The following PLCXD1 variants were observed in gnomAD, a reference collection of about 807,000 sequenced individuals.
PLCXD1 encodes the protein PI-PLC X domain-containing protein 1.
PLCXD1 carries 45 observed loss-of-function variants against 37.8 expected under a neutral mutation model. That is an observed-to-expected ratio of 1.19 (90% confidence interval 0.94 to 1.53). The LOEUF (loss-of-function observed/expected upper bound fraction) is 1.53. Ranked by LOEUF, PLCXD1 falls within the 40% of genes most tolerant of loss-of-function variation. PLCXD1 has a pLI of 0.00. For synonymous variants in PLCXD1, 246 were observed against 206.9 expected, an observed-to-expected ratio of 1.19 and a Z score of -1.62; for missense variants, 539 against 454.7, an observed-to-expected ratio of 1.19 and a Z score of -1.69.
intron 6 of PLCXD1, 53 bp downstream of exon 6, chrX:293,271 C>G: frequency 7.0e-7 from 1 of 1,426,336 alleles, no homozygotes; most frequent in Non-Finnish European, 9.7e-7. Context: ...CCGTGACGCC[C>G]TGCGGCAGGC....
At chrX:294,290 G>A (rs1163818040) in intron 6 of PLCXD1, among the ~76,000 whole-genome samples, 9 of 152,126 alleles carry the variant, frequency 5.9e-5, no homozygotes, top group South Asian at 4.1e-4. Context: ...AGACCATCCC[G>A]GCTAACATGG....
At chrX:289,866 C>T (rs183759498) in intron 3 of PLCXD1, among the ~76,000 whole-genome samples, 1 of 152,200 alleles carries the variant, frequency 6.6e-6, no homozygotes, top group South Asian at 2.1e-4. Flanking sequence ...TTTCTCGTGT[C>T]TTTAGGACCT....
At position 294,405 on chromosome X, in the gene PLCXD1, T is replaced by C. The variant is rs1445162660; in HGVS notation, c.733+1187T>C. On this transcript the variant is annotated intron_variant, in intron 6 of 6. Transcript: ENST00000381657. ...GCTGAGGTAGGAGAATGGTGTGAACTCGGGAGGCGGAGCTTGCAGTGAGCC... is the reference window on the plus strand; with the variant it reads ...GCTGAGGTAGGAGAATGGTGTGAACCCGGGAGGCGGAGCTTGCAGTGAGCC... 3.2e-4 allele frequency among the ~76,000 whole-genome samples: 47 copies of C among 146,700 alleles called. No homozygotes were observed. The East Asian group carries it at 5.9e-3, about 18-fold the overall frequency.
At chrX:291,677 C>T (rs2069641404) in intron 5 of PLCXD1, 23 bp downstream of exon 5, 1 of 1,610,648 alleles carries the variant, frequency 6.2e-7, no homozygotes, top group African/African-American at 1.3e-5. Flanking sequence ...AGGATATCCG[C>T]ACGTCTCTCC....
At position 289,241 on chromosome X, in the gene PLCXD1, C is replaced by G. The variant is rs748278997; in HGVS notation, c.264+372C>G. Among the ~76,000 whole-genome samples the G allele has an allele frequency of 2.0e-5, 3 of 152,186 alleles. No individual in the cohort carries two copies. In the East Asian group the frequency reaches 5.8e-4, roughly 30 times the overall value. On this transcript the variant is annotated intron_variant, in intron 3 of 6. Coordinates refer to ENST00000381657, the MANE Select transcript of PLCXD1 (RefSeq NM_018390.4). ...TACCTGGGTCTACAGGCACCTGTCA[C>G]CACACCTGGCTAATTTTTTGTATTT... is the stretch of plus-strand genomic sequence containing the variant.
At chrX:282,238 C>T (rs1483697684) in intron 1 of PLCXD1, among the ~76,000 whole-genome samples, 3 of 151,920 alleles carry the variant, frequency 2.0e-5, no homozygotes, top group African/African-American at 4.8e-5. Context: ...CATACATTGC[C>T]GGGCGTGGTG....
Position 298,729 on chromosome X carries a change from C to A in PLCXD1, c.734-368C>A, listed in dbSNP as rs867745988. Among the ~76,000 whole-genome samples, 136 of 45,696 alleles carry A rather than the reference C, an allele frequency of 3.0e-3. 8 individuals carry two copies. The highest frequency in any genetic ancestry group is 0.014 in the African/African-American group (84 of 6,200). 30.0% of individuals were successfully genotyped at this position (45,696 alleles called of 152,430 possible). Reference sequence around the variant, plus strand: ...GATCAGGACGTGGACATCTTTGGGGCCATTATCCTGTCTATCACATGGGGA... The same window carrying A: ...GATCAGGACGTGGACATCTTTGGGGACATTATCCTGTCTATCACATGGGGA... On this transcript the variant is annotated intron_variant, in intron 6 of 6. Coordinates refer to ENST00000381657, the MANE Select transcript of PLCXD1 (RefSeq NM_018390.4).
Position 288,768 on chromosome X carries a change from A to T in PLCXD1, c.163A>T (p.Lys55Ter). The change falls in exon 3 of 7, where the codon AAG becomes TAG. Residue 55 changes from lysine to a stop codon, truncating the protein, a stop_gained. Transcript: ENST00000381657. LOFTEE classifies it high-confidence loss of function. ...HDTMTYCLNKKSPISHEESRL... is the reference protein window; with the variant it reads ...HDTMTYCLNK ...CACGATGACGTACTGCCTGAACAAG[A>T]AGTCCCCCATTTCGCACGAGGAGTC... 1 of 1,613,848 alleles carries T rather than the reference A, an allele frequency of 6.2e-7. No homozygotes were observed. The highest frequency in any genetic ancestry group is 8.5e-7 in the Non-Finnish European group (1 of 1,179,752).
chrX:287,995 A>G (rs768261046), intron 2 of PLCXD1, among the ~76,000 whole-genome samples: 41 of 145,676 alleles, frequency 2.8e-4, no homozygotes, highest in Admixed American at 2.4e-3. Context: ...GCTCTAGGGG[A>G]GGGTCCTTCC....
intron 6 of PLCXD1, among the ~76,000 whole-genome samples, chrX:296,119 G>C (rs1443743212): frequency 6.7e-6 from 1 of 149,666 alleles, no homozygotes; most frequent in African/African-American, 2.5e-5. Context: ...GCCTTTTTTT[G>C]TTTGTTTTGT....
chrX:286,324 C>G (rs1049313095), intron 2 of PLCXD1, among the ~76,000 whole-genome samples: 2 of 152,104 alleles, frequency 1.3e-5, no homozygotes, highest in Non-Finnish European at 2.9e-5. Context: ...CTCGGCCTCC[C>G]AAAGTGCTGG....
At position 290,734 on chromosome X, in the gene PLCXD1, C is replaced by T. The variant is rs2069603102; in HGVS notation, c.351C>T (p.Asn117=). Residue 117 remains asparagine, a synonymous_variant, in exon 4 of 7, where the codon AAC becomes AAT. Coordinates refer to ENST00000381657, the MANE Select transcript of PLCXD1 (RefSeq NM_018390.4). ...ACATGCTGGAGGGCTCGGAGAAGAA[C>T]CTGCACTTTGTCCATATGGTGTACA... The part of the protein sequence containing the change: ...IAHMLEGSEK[N]LHFVHMVYTT... The T allele has an allele frequency of 6.2e-7, 1 of 1,613,670 alleles. No individual in the cohort carries two copies. Among genetic ancestry groups the T allele is most frequent in the South Asian group, 1.1e-5 (1 of 91,070 alleles).
intron 5 of PLCXD1, 89 bp downstream of exon 5, chrX:291,743 G>C: frequency 1.4e-6 from 2 of 1,385,024 alleles, no homozygotes; most frequent in South Asian, 2.3e-5. Context: ...GGGTGTGGGT[G>C]CTGCCATGAT....
intron 1 of PLCXD1, chrX:283,170 A>G (rs1459187144): frequency 6.7e-6 from 1 of 148,640 alleles, no homozygotes; most frequent in Non-Finnish European, 1.5e-5. Flanking sequence ...GCAGTGGCTC[A>G]CGCCTGTAAT....
At chrX:286,104 G>A (rs944412108) in intron 2 of PLCXD1, among the ~76,000 whole-genome samples, 6 of 151,414 alleles carry the variant, frequency 4.0e-5, no homozygotes, top group Non-Finnish European at 5.9e-5. Flanking sequence ...TGCTCTTATC[G>A]CCCAGGCTCG....
chrX:287,769 T>A (rs2069505235), intron 2 of PLCXD1, among the ~76,000 whole-genome samples: 1 of 148,762 alleles, frequency 6.7e-6, no homozygotes, highest in African/African-American at 2.4e-5. Flanking sequence ...ATAGATATAT[T>A]TATATCTATA....
At chrX:283,878 CTTT>C (rs113086591) in intron 1 of PLCXD1, 8 of 192,548 alleles carry the variant, frequency 4.2e-5, no homozygotes, top group South Asian at 1.1e-4. Context: ...CTCTCTCTCT[CTTT>C]TTTTTTTTTC....
chrX:290,036 C>T (rs1430590170), intron 3 of PLCXD1, among the ~76,000 whole-genome samples: 1 of 152,010 alleles, frequency 6.6e-6, no homozygotes, highest in East Asian at 2.0e-4. Context: ...CAGCTTCCTG[C>T]AGCCTGGGCC....
In PLCXD1 at chrX:299,293, C is replaced by T. The variant is rs140928586; in HGVS notation, c.930C>T (p.Val310=). The change falls in exon 7 of 7, where the codon GTC becomes GTT. Residue 310 remains valine, a synonymous_variant. Coordinates refer to ENST00000381657, the MANE Select transcript of PLCXD1 (RefSeq NM_018390.4). The stretch of plus-strand genomic sequence containing the variant: ...ACTTCATCGGCGCAGACGGCTTCGT[C>T]AGTGACGTCATCGCGCTCAATCAGA... ...AGDFIGADGF[V]SDVIALNQKL... is the part of the protein sequence containing the mutation. The T allele has an allele frequency of 7.3e-4, 1,174 of 1,613,872 alleles. 3 individuals carry two copies. The African/African-American group carries it at 7.4e-3, about 10-fold the overall frequency.
Sources: gnomAD v4.1 joint callset for allele counts (sites outside exome capture counted in the v4.1 genomes callset) on GRCh38, gnomAD v4.1.1 for gene constraint, MANE v1.5 for transcripts, NCBI Gene and HGNC (gene_info 2026-07-23, HGNC 2026-07-21) for gene names.